Variants in TSEN2 observed in about 807,000 individuals in gnomAD.
TSEN2 encodes the protein tRNA-splicing endonuclease subunit Sen2.
In TSEN2, 54 loss-of-function variants were observed where a neutral mutation model predicts 59.2. That is an observed-to-expected ratio of 0.91 (90% CI 0.73 to 1.14). The LOEUF (loss-of-function observed/expected upper bound fraction) is 1.14. TSEN2 is among the 50% of genes most tolerant of loss of function. TSEN2 has a pLI of 0.00. For synonymous variants in TSEN2, 195 were observed against 198.2 expected, an observed-to-expected ratio of 0.98 and a Z score of 0.14; for missense variants, 636 against 576.2, an observed-to-expected ratio of 1.10 and a Z score of -1.06.
chr3:12,494,483 A>G (rs181127892), intron 3 of TSEN2, among the ~76,000 whole-genome samples: 39 of 152,208 alleles, frequency 2.6e-4, no homozygotes, highest in Non-Finnish European at 4.0e-4. Context: ...TGCATCCTCC[A>G]CTTCCTGGGT....
chr3:12,496,412 G>T (rs2053754233), intron 3 of TSEN2, 106 bp from the exon 4 acceptor site: 2 of 1,202,270 alleles, frequency 1.7e-6, no homozygotes, highest in African/African-American at 1.5e-5. Context: ...AACTTTCTAG[G>T]TGTGTGATTT....
intron 7 of TSEN2, among the ~76,000 whole-genome samples, chr3:12,518,141 G>A (rs749723096): frequency 6.6e-6 from 1 of 152,108 alleles, no homozygotes; most frequent in Non-Finnish European, 1.5e-5. Flanking sequence ...ATATTCTCTA[G>A]ACCAAACTAT....
chr3:12,531,188 T>C (rs930012593), intron 10 of TSEN2: 7 of 206,804 alleles, frequency 3.4e-5, no homozygotes, highest in Admixed American at 5.7e-5. Context: ...CCATGACACG[T>C]GGGGATTGTG....
chr3:12,501,014 T>C (rs1301916930), intron 4 of TSEN2, among the ~76,000 whole-genome samples: 1 of 152,198 alleles, frequency 6.6e-6, no homozygotes, highest in Non-Finnish European at 1.5e-5. Flanking sequence ...GAAAAATATA[T>C]TGTCACAAAA....
At chr3:12,505,417 A>C (rs1287535842) in intron 6 of TSEN2, 186 bp downstream of exon 6, 5 of 595,996 alleles carry the variant, frequency 8.4e-6, no homozygotes, top group Non-Finnish European at 1.2e-5. Flanking sequence ...TTATTTCATC[A>C]GTTCTAAGAT....
intron 6 of TSEN2, among the ~76,000 whole-genome samples, chr3:12,513,219 C>T (rs1300705030): frequency 1.3e-5 from 2 of 152,306 alleles, no homozygotes; most frequent in Non-Finnish European, 2.9e-5. Flanking sequence ...AATGAAAACA[C>T]ATCAGTTTTT....
chr3:12,529,902 G>T, intron 10 of TSEN2, 29 bp downstream of exon 10: 1 of 1,609,142 alleles, frequency 6.2e-7, no homozygotes, highest in Non-Finnish European at 8.5e-7. Flanking sequence ...TGCCATTGGA[G>T]TGTCACTTAA....
chr3:12,518,878 C>T (rs774125903), intron 7 of TSEN2, among the ~76,000 whole-genome samples, 181 bp from the exon 8 acceptor site: 12 of 151,898 alleles, frequency 7.9e-5, no homozygotes, highest in Non-Finnish European at 1.6e-4. Context: ...CACTGCACTC[C>T]GGCCTGGGTG....
At chr3:12,486,227 T>C (rs1203916350) in intron 1 of TSEN2, among the ~76,000 whole-genome samples, 2 of 152,214 alleles carry the variant, frequency 1.3e-5, no homozygotes, top group Non-Finnish European at 2.9e-5. Context: ...CTTCTTATTT[T>C]ACTCACATCC....
downstream of TSEN2, among the ~76,000 whole-genome samples, chr3:12,534,520 G>A (rs1559373504): frequency 1.3e-5 from 2 of 152,046 alleles, no homozygotes; most frequent in South Asian, 4.1e-4. Flanking sequence ...TGGTTGTGTG[G>A]GTAAAGGAGA....
At chr3:12,517,371 A>AAAAAAAAAAAAAAAAAAT in intron 7 of TSEN2, among the ~76,000 whole-genome samples, 1 of 151,174 alleles carries the variant, frequency 6.6e-6, no homozygotes, top group South Asian at 2.1e-4. Flanking sequence ...AAAAAAAAAA[A>AAAAAAAAAAAAAAAAAAT]GAATTTGCAG....
rs368548343 is a variant in TSEN2 at position 12,487,987 on chromosome 3, A to G, written c.-17-1797A>G. Among the ~76,000 whole-genome samples, 16 of 152,300 alleles carry G rather than the reference A, an allele frequency of 1.1e-4. 1 individual carries two copies. Among genetic ancestry groups the G allele is most frequent in the Admixed American group, 7.8e-4 (12 of 15,294 alleles). ...TCCAACTTCCCGATTCTTCTTTTTC[A>G]TGGTTATCTTTGTAATTGATGTATC... On this transcript the variant is annotated intron_variant, in intron 1 of 11. Transcript: ENST00000284995.
chr3:12,525,451 A>G (rs1420281088), intron 8 of TSEN2, among the ~76,000 whole-genome samples: 1 of 152,020 alleles, frequency 6.6e-6, no homozygotes, highest in African/African-American at 2.4e-5. Flanking sequence ...TGCACTAATC[A>G]TTTTCTGGTT....
chr3:12,531,393 TAGTC>T (rs1445578075), intron 10 of TSEN2, 173 bp from the exon 11 acceptor site: 2 of 603,098 alleles, frequency 3.3e-6, no homozygotes, highest in Non-Finnish European at 6.0e-6. Context: ...GGCAGGTACT[TAGTC>T]AGAACGTAAA....
In TSEN2 at chr3:12,503,299, C is replaced by T. The variant is rs777071802; in HGVS notation, c.346C>T (p.Arg116Cys). The change falls in exon 5 of 12, where the codon CGT (arginine) becomes TGT (cysteine). Residue 116 changes from arginine (R) to cysteine (C), a missense_variant. Physicochemically the swap from Arg to Cys is radical, Grantham distance 180. Transcript: ENST00000284995. ...HSVEWAAELM[R>C]RQGQDESTVR... Reference sequence around the variant, plus strand: ...TGTTGAGTGGGCAGCAGAGCTGATGCGTAGACAGGGGCAGGATGAGAGTAC... The same window carrying T: ...TGTTGAGTGGGCAGCAGAGCTGATGTGTAGACAGGGGCAGGATGAGAGTAC... The T allele has an allele frequency of 6.8e-6, 11 of 1,614,088 alleles. No homozygotes were observed. Among genetic ancestry groups the T allele is most frequent in the South Asian group, 1.1e-5 (1 of 91,082 alleles).
Position 12,503,269 on chromosome 3 carries a change from C to G in TSEN2, c.316C>G (p.His106Asp). 1 of 1,614,096 alleles carries G rather than the reference C, an allele frequency of 6.2e-7. No individual in the cohort carries two copies. The highest frequency in any genetic ancestry group is 8.5e-7 in the Non-Finnish European group (1 of 1,180,032). Residue 106 changes from histidine (H) to aspartate (D), a missense_variant, in exon 5 of 12, where the codon CAT (histidine) becomes GAT (aspartate). Physicochemically the swap from His to Asp is moderately conservative, Grantham distance 81. Transcript: ENST00000284995. ...MPIITSKRYQ[H>D]SVEWAAELMR... ...AGTATTTCTGTCTTGCAGGTATCAG[C>G]ATAGTGTTGAGTGGGCAGCAGAGCT... is the stretch of plus-strand genomic sequence containing the variant.
At chr3:12,501,228 A>G (rs1440651772) in intron 4 of TSEN2, among the ~76,000 whole-genome samples, 1 of 152,220 alleles carries the variant, frequency 6.6e-6, no homozygotes, top group African/African-American at 2.4e-5. Context: ...ATACATAACA[A>G]GATCCCTTTG....
chr3:12,492,701 A>T (rs1180521483), intron 3 of TSEN2, among the ~76,000 whole-genome samples: 1 of 152,258 alleles, frequency 6.6e-6, no homozygotes, highest in African/African-American at 2.4e-5. Context: ...ATTAGAAAGG[A>T]TCTTTTAAAG....
chr3:12,482,595 G>A (rs1020182568), upstream of TSEN2, among the ~76,000 whole-genome samples: 11 of 151,558 alleles, frequency 7.3e-5, no homozygotes, highest in Admixed American at 3.3e-4. Context: ...TTTGGGAGGG[G>A]AATTTGAGAT....
Sources: gnomAD v4.1 joint callset for allele counts (sites outside exome capture counted in the v4.1 genomes callset) on GRCh38, gnomAD v4.1.1 for gene constraint, MANE v1.5 for transcripts, NCBI Gene and HGNC (gene_info 2026-07-23, HGNC 2026-07-21) for gene names.